HDAC9: variants seen among roughly 807,000 people sequenced by gnomAD.
HDAC9 encodes histone deacetylase 9, also known as MEF-2 interacting transcription repressor (MITR) protein.
HDAC9 carries 41 observed loss-of-function variants against 139.4 expected under a neutral mutation model. The ratio of observed to expected loss-of-function variants is 0.29; its 90% CI spans 0.23 to 0.38. HDAC9 has a LOEUF of 0.38. HDAC9 is among the 10% of genes least tolerant of loss of function. The pLI is 1.00. For missense variants in HDAC9, 1,147 were observed against 1,297.0 expected, an observed-to-expected ratio of 0.88 and a Z score of 1.78; for synonymous variants, 517 against 476.2, an observed-to-expected ratio of 1.09 and a Z score of -1.12.
chr7:18,408,852 A>T (rs1168093550), intron 1 of HDAC9, among the ~76,000 whole-genome samples: 1 of 152,212 alleles, frequency 6.6e-6, no homozygotes, highest in Non-Finnish European at 1.5e-5. Context: ...GGTAAAAAGA[A>T]TGCAACAAAT....
intron 1 of HDAC9, among the ~76,000 whole-genome samples, chr7:18,420,853 G>A (rs944144537): frequency 1.3e-5 from 2 of 152,202 alleles, no homozygotes; most frequent in Admixed American, 6.5e-5. Flanking sequence ...TTTAGATTGT[G>A]TGGTCAAGGA....
intron 2 of HDAC9, among the ~76,000 whole-genome samples, chr7:18,212,863 T>G (rs781008393): frequency 2.6e-5 from 4 of 152,208 alleles, no homozygotes; most frequent in Non-Finnish European, 5.9e-5. Flanking sequence ...GCCCTGTGCC[T>G]TGGATGTGTG....
At chr7:18,162,505 C>A in intron 2 of HDAC9, 1 of 651,714 alleles carries the variant, frequency 1.5e-6, no homozygotes, top group Non-Finnish European at 2.6e-6. Context: ...CATTCGATAG[C>A]TAATTCTCTA....
intron 2 of HDAC9, among the ~76,000 whole-genome samples, chr7:18,535,949 G>A (rs1368053602): frequency 2.6e-5 from 4 of 152,172 alleles, no homozygotes; most frequent in Non-Finnish European, 4.4e-5. Flanking sequence ...TTAGGAGCTT[G>A]TAGGAGAAGC....
chr7:18,786,106 AT>A (rs1181215448), intron 16 of HDAC9, among the ~76,000 whole-genome samples: 1 of 152,126 alleles, frequency 6.6e-6, no homozygotes, highest in Non-Finnish European at 1.5e-5. Flanking sequence ...TCTGAATTGC[AT>A]TCTGCTATGA....
intron 2 of HDAC9, among the ~76,000 whole-genome samples, chr7:18,268,186 T>C (rs302181): frequency 0.015 from 2,312 of 152,238 alleles, 67 homozygotes; most frequent in African/African-American, 0.054. Context: ...TAGAAAATAT[T>C]TTATAAAATT....
chr7:18,637,185 G>T (rs1220566394), intron 8 of HDAC9, among the ~76,000 whole-genome samples: 1 of 151,948 alleles, frequency 6.6e-6, no homozygotes, highest in African/African-American at 2.4e-5. Context: ...AGAGAGTGAT[G>T]AACACAAAAT....
At chr7:18,213,528 T>A (rs182770197) in intron 2 of HDAC9, among the ~76,000 whole-genome samples, 2 of 152,242 alleles carry the variant, frequency 1.3e-5, no homozygotes. Flanking sequence ...TGAGAAGAAA[T>A]TTTCTCTGTT....
intron 2 of HDAC9, among the ~76,000 whole-genome samples, chr7:18,168,568 G>T (rs1434509917): frequency 2.0e-5 from 3 of 151,450 alleles, no homozygotes; most frequent in East Asian, 3.9e-4. Flanking sequence ...CTGTGTGTGT[G>T]TCTGTGTGTG....
In HDAC9 at chr7:18,415,937, C is replaced by T. The variant is rs564798722; in HGVS notation, c.-41-80325C>T. On this transcript the variant is annotated intron_variant, in intron 1 of 3. Coordinates refer to the HDAC9 transcript ENST00000413509. ...CTATGCATTTTTTTGTGATAAACTTCACTTGGTCATGATGTATTATCCTTT... is the reference window on the plus strand; with the variant it reads ...CTATGCATTTTTTTGTGATAAACTTTACTTGGTCATGATGTATTATCCTTT... 3.3e-5 allele frequency among the ~76,000 whole-genome samples: 5 copies of T among 152,142 alleles called. No homozygotes were observed. In the East Asian group the frequency reaches 5.8e-4, roughly 18 times the overall value.
At chr7:18,097,028 G>A (rs1388825798) in intron 1 of HDAC9, among the ~76,000 whole-genome samples, 2 of 152,034 alleles carry the variant, frequency 1.3e-5, no homozygotes, top group African/African-American at 4.8e-5. Flanking sequence ...AATATTCTAT[G>A]TCTATGCTCT....
intron 1 of HDAC9, among the ~76,000 whole-genome samples, chr7:18,090,722 G>A (rs919900734): frequency 4.6e-5 from 7 of 151,266 alleles, no homozygotes; most frequent in Admixed American, 3.9e-4. Flanking sequence ...TCTGGGTGTC[G>A]GGATGTCTAT....
intron 2 of HDAC9, among the ~76,000 whole-genome samples, chr7:18,190,371 G>A (rs917338709): frequency 1.3e-5 from 2 of 152,182 alleles, no homozygotes; most frequent in African/African-American, 4.8e-5. Context: ...ATGGGCATAT[G>A]TATTTGTGTG....
intron 6 of HDAC9, among the ~76,000 whole-genome samples, chr7:18,613,935 C>T (rs926833439): frequency 3.9e-5 from 6 of 151,996 alleles, no homozygotes; most frequent in Admixed American, 6.6e-5. Flanking sequence ...TTTTTACCAC[C>T]GCGTCCTTTA....
intron 12 of HDAC9, among the ~76,000 whole-genome samples, chr7:18,724,765 T>A (rs975673673): frequency 6.6e-6 from 1 of 152,192 alleles, no homozygotes; most frequent in African/African-American, 2.4e-5. Flanking sequence ...GTCTTTAGTA[T>A]CTGTCTCCTT....
chr7:18,245,048 T>C (rs1241863822), intron 2 of HDAC9, among the ~76,000 whole-genome samples: 1 of 152,102 alleles, frequency 6.6e-6, no homozygotes, highest in Admixed American at 6.6e-5. Flanking sequence ...GCTTATTCAG[T>C]TCTAGAAAAT....
intron 2 of HDAC9, among the ~76,000 whole-genome samples, chr7:18,195,220 C>A (rs563908241): frequency 6.6e-6 from 1 of 152,158 alleles, no homozygotes; most frequent in African/African-American, 2.4e-5. Context: ...ACCTCAAAAC[C>A]TAAGGTTCCC....
At chr7:18,549,600 T>C (rs1347691161) in intron 2 of HDAC9, among the ~76,000 whole-genome samples, 1 of 152,186 alleles carries the variant, frequency 6.6e-6, no homozygotes, top group Non-Finnish European at 1.5e-5. Flanking sequence ...ATTTTAAGGA[T>C]GTTAACTTCC....
intron 12 of HDAC9, among the ~76,000 whole-genome samples, chr7:18,686,282 A>G (rs565372459): frequency 6.6e-6 from 1 of 152,074 alleles, no homozygotes; most frequent in South Asian, 2.1e-4. Flanking sequence ...TACTCCCTCC[A>G]ATTATTTTCA....
Sources: gnomAD v4.1 joint callset for allele counts (sites outside exome capture counted in the v4.1 genomes callset) on GRCh38, gnomAD v4.1.1 for gene constraint, MANE v1.5 for transcripts, NCBI Gene and HGNC (gene_info 2026-07-23, HGNC 2026-07-21) for gene names.